The following TBC1D13 variants were observed in gnomAD, a reference collection of about 807,000 sequenced individuals.
TBC1D13 encodes the protein epididymis secretory sperm binding protein.
TBC1D13 carries 40 observed loss-of-function variants against 53.6 expected under a neutral mutation model. The observed-to-expected ratio is 0.75, with a 90% CI of 0.58 to 0.97. TBC1D13 has a LOEUF of 0.97. Among genes scored for constraint, TBC1D13 ranks in the 50% least tolerant of loss-of-function variants. TBC1D13 has a pLI of 0.00. For synonymous variants in TBC1D13, 182 were observed against 197.7 expected (o/e 0.92, Z 0.67); for missense variants, 377 against 499.4 (o/e 0.75, Z 2.34).
chr9:128,810,317 TCTCA>T lies in TBC1D13; in HGVS notation c.*2442_*2445del, dbSNP rs1258325705. ...GATTGAGCTGTATGAATTCAGCGGGTCTCACTCCAGAGGGTCAGAACGTTTGCTT... is the reference window on the plus strand; with the variant it reads ...GATTGAGCTGTATGAATTCAGCGGGTCTCCAGAGGGTCAGAACGTTTGCTT... On this transcript the variant is annotated 3_prime_UTR_variant, in exon 12 of 12. Coordinates refer to ENST00000372648, the MANE Select transcript of TBC1D13 (RefSeq NM_018201.5). 6.6e-6 allele frequency: 1 copy of T among 152,230 alleles called. No individual in the cohort carries two copies. Among genetic ancestry groups the T allele is most frequent in the Non-Finnish European group, 1.5e-5 (1 of 68,064 alleles). 9.4% of individuals were successfully genotyped at this position (152,230 alleles called of 1,614,324 possible).
At chr9:128,806,152 A>T in intron 10 of TBC1D13, 102 bp from the exon 11 acceptor site, 1 of 1,597,218 alleles carries the variant, frequency 6.3e-7, no homozygotes, top group South Asian at 1.1e-5. Context: ...AGTCCTTGGG[A>T]GGGCGACAAA....
chr9:128,794,612 A>T (rs755009498), intron 6 of TBC1D13, among the ~76,000 whole-genome samples: 6 of 151,290 alleles, frequency 4.0e-5, no homozygotes, highest in Non-Finnish European at 8.9e-5. Context: ...AGTAGCTGGG[A>T]TTACAGGCAT....
intron 8 of TBC1D13, 77 bp downstream of exon 8, chr9:128,803,537 C>G: frequency 1.5e-6 from 2 of 1,375,200 alleles, no homozygotes; most frequent in South Asian, 2.4e-5. Flanking sequence ...CCTCTCGGGC[C>G]TCTGTTCTCC....
intron 7 of TBC1D13, among the ~76,000 whole-genome samples, chr9:128,801,030 A>T (rs1564425538): frequency 6.6e-6 from 1 of 152,144 alleles, no homozygotes; most frequent in Non-Finnish European, 1.5e-5. Context: ...AAAAAATGCC[A>T]GGCGTGGTGG....
Position 128,787,266 on chromosome 9 carries a change from C to A in TBC1D13, c.-88C>A. 9 of 1,228,572 alleles carry A rather than the reference C, an allele frequency of 7.3e-6. No homozygotes were observed. The highest frequency in any genetic ancestry group is 9.3e-6 in the Non-Finnish European group (9 of 971,100). The allele number at this position is 1,228,572 out of a possible 1,614,324, so 76.1% of individuals were successfully genotyped here. ...CCGGAGGCTTTTGCGCAGAGCCCCG[C>A]GTCCCTGGGGGGCGGCGGCGGCGGC... On this transcript the variant is annotated 5_prime_UTR_variant, in exon 1 of 12. Transcript: ENST00000372648.
At chr9:128,807,561 C>T (rs905094266) in intron 11 of TBC1D13, among the ~76,000 whole-genome samples, 11 of 152,162 alleles carry the variant, frequency 7.2e-5, no homozygotes, top group African/African-American at 2.2e-4. Context: ...TGAGGCAGCA[C>T]GGTCTGGTCC....
Position 128,791,587 on chromosome 9 carries a change from C to T in TBC1D13, c.201-7C>T, listed in dbSNP as rs1829533805. 1.2e-6 allele frequency: 2 copies of T among 1,614,134 alleles called. No homozygotes were observed. Among genetic ancestry groups the T allele is most frequent in the Non-Finnish European group, 1.7e-6 (2 of 1,179,966 alleles). On this transcript the variant is annotated splice_polypyrimidine_tract_variant and splice_region_variant and intron_variant, in intron 4 of 11. Coordinates refer to ENST00000372648, the MANE Select transcript of TBC1D13 (RefSeq NM_018201.5). ...TGGGAATCATCCTTCTCACTTGTCT[C>T]CTGCAGGGAGCTGTATGCCCAGTTC...
chr9:128,793,603 C>T (rs1406459730), intron 6 of TBC1D13, among the ~76,000 whole-genome samples: 5 of 152,184 alleles, frequency 3.3e-5, no homozygotes, highest in Admixed American at 1.3e-4. Context: ...GGGCACAGAA[C>T]GGGCTGGGTC....
At chr9:128,793,279 G>C (rs1240206033) in intron 6 of TBC1D13, among the ~76,000 whole-genome samples, 1 of 152,232 alleles carries the variant, frequency 6.6e-6, no homozygotes, top group Non-Finnish European at 1.5e-5. Flanking sequence ...GGAGTGACAG[G>C]GTCAAATACA....
At chr9:128,801,954 G>C (rs1829743294) in intron 7 of TBC1D13, among the ~76,000 whole-genome samples, 1 of 149,564 alleles carries the variant, frequency 6.7e-6, no homozygotes, top group African/African-American at 2.4e-5. Context: ...GTAGAGACAG[G>C]GTTTCACCGT....
intron 1 of TBC1D13, 96 bp from the exon 2 acceptor site, chr9:128,788,238 C>A: frequency 2.9e-6 from 3 of 1,050,006 alleles, no homozygotes; most frequent in South Asian, 1.3e-5. Flanking sequence ...GAGAGAGGCA[C>A]AGGTTGGAAA....
rs1298487478 is a variant in TBC1D13 at position 128,809,169 on chromosome 9, C to T, written c.*1290C>T. 1 of 152,394 alleles carries T rather than the reference C, an allele frequency of 6.6e-6. No homozygotes were observed. Among genetic ancestry groups the T allele is most frequent in the African/African-American group, 2.4e-5 (1 of 41,456 alleles). The allele number at this position is 152,394 out of a possible 1,614,324, so 9.4% of individuals were successfully genotyped here. A position where few individuals can be genotyped will look rare whatever the true frequency, so the allele number is the denominator to read the frequency against. On this transcript the variant is annotated 3_prime_UTR_variant, in exon 12 of 12. Coordinates refer to ENST00000372648, the MANE Select transcript of TBC1D13 (RefSeq NM_018201.5). ...AGTTCCAGGAGGGCCATGTCTGTGCCTCTGTGTACCCCTCCACCCGCTGCG... is the reference window on the plus strand; with the variant it reads ...AGTTCCAGGAGGGCCATGTCTGTGCTTCTGTGTACCCCTCCACCCGCTGCG...
At chr9:128,794,276 C>G (rs990667409) in intron 6 of TBC1D13, among the ~76,000 whole-genome samples, 1 of 152,186 alleles carries the variant, frequency 6.6e-6, no homozygotes, top group South Asian at 2.1e-4. Context: ...GGCTCATCTT[C>G]AGATGGCCCC....
At chr9:128,793,157 G>A (rs922781982) in intron 6 of TBC1D13, among the ~76,000 whole-genome samples, 1 of 152,242 alleles carries the variant, frequency 6.6e-6, no homozygotes, top group Non-Finnish European at 1.5e-5. Flanking sequence ...CAGAGAGCCC[G>A]CAGAGCTTGG....
Position 128,808,647 on chromosome 9 carries a change from G to C in TBC1D13, c.*768G>C, listed in dbSNP as rs977714151. 1.3e-5 allele frequency: 2 copies of C among 152,472 alleles called. No homozygotes were observed. Among genetic ancestry groups the C allele is most frequent in the Non-Finnish European group, 2.9e-5 (2 of 68,392 alleles). 9.4% of individuals were successfully genotyped at this position (152,472 alleles called of 1,614,324 possible). On this transcript the variant is annotated 3_prime_UTR_variant, in exon 12 of 12. Transcript: ENST00000372648. ...CCTGAGCCACCTCCTCTCCCCGCTT[G>C]CCTCTGCTCCCCTGAACCTGGGAGA...
intron 1 of TBC1D13, among the ~76,000 whole-genome samples, 173 bp downstream of exon 1, chr9:128,787,549 GGGC>G (rs1157508062): frequency 3.3e-5 from 5 of 152,090 alleles, no homozygotes; most frequent in Non-Finnish European, 7.4e-5. Flanking sequence ...AACGACGGAG[GGGC>G]GGCCCTTCTC....
In TBC1D13 at chr9:128,808,816, C is replaced by T. The variant is rs1014365862; in HGVS notation, c.*937C>T. ...TCACTTAGAGGGTTCTGAACCCGTTCCCTACACAGAAATCTTGGAAACCAA... is the reference window on the plus strand; with the variant it reads ...TCACTTAGAGGGTTCTGAACCCGTTTCCTACACAGAAATCTTGGAAACCAA... On this transcript the variant is annotated 3_prime_UTR_variant, in exon 12 of 12. Transcript: ENST00000372648. 6.6e-6 allele frequency: 1 copy of T among 152,218 alleles called. No individual in the cohort carries two copies. Among genetic ancestry groups the T allele is most frequent in the Non-Finnish European group, 1.5e-5 (1 of 68,106 alleles). 9.4% of individuals were successfully genotyped at this position (152,218 alleles called of 1,614,324 possible).
intron 5 of TBC1D13, among the ~76,000 whole-genome samples, chr9:128,792,082 G>C (rs923233258): frequency 2.9e-4 from 44 of 152,216 alleles, no homozygotes; most frequent in African/African-American, 1.1e-3. Flanking sequence ...AAATCGATGG[G>C]CCCCAGGCCC....
chr9:128,796,764 T>A (rs1829637911), intron 6 of TBC1D13, among the ~76,000 whole-genome samples: 1 of 151,470 alleles, frequency 6.6e-6, no homozygotes, highest in Non-Finnish European at 1.5e-5. Context: ...ATGGTGAAAC[T>A]CCATCTCTAA....
Sources: gnomAD v4.1 joint callset for allele counts (sites outside exome capture counted in the v4.1 genomes callset) on GRCh38, gnomAD v4.1.1 for gene constraint, MANE v1.5 for transcripts, NCBI Gene and HGNC (gene_info 2026-07-23, HGNC 2026-07-21) for gene names.